The following CEMIP2 variants were observed in gnomAD, a reference collection of about 807,000 sequenced individuals.
The protein encoded by CEMIP2 is cell migration inducing hyaluronidase 2.
In CEMIP2, 79 loss-of-function variants were observed where a neutral mutation model predicts 146.9. The observed-to-expected ratio is 0.54, with a 90% CI of 0.45 to 0.65. CEMIP2 has a LOEUF of 0.65. Among genes scored for constraint, CEMIP2 ranks in the 30% least tolerant of loss-of-function variants. CEMIP2 has a pLI of 0.00. For missense variants in CEMIP2, 1,596 were observed against 1,696.2 expected (o/e 0.94, Z 1.04); for synonymous variants, 601 against 606.3 (o/e 0.99, Z 0.13).
chr9:71,699,397 A>T (rs1822490791), intron 19 of CEMIP2: 1 of 453,854 alleles, frequency 2.2e-6, no homozygotes, highest in Non-Finnish European at 4.4e-6. Context: ...AGTGTACCAC[A>T]ACTATGCCTG....
At chr9:71,762,318 T>C (rs1400349439) in intron 1 of CEMIP2, among the ~76,000 whole-genome samples, 4 of 152,044 alleles carry the variant, frequency 2.6e-5, no homozygotes, top group South Asian at 2.1e-4. Context: ...CTTAGCCGAA[T>C]AGGGATACAC....
At chr9:71,767,253 G>C (rs887288291) in intron 1 of CEMIP2, among the ~76,000 whole-genome samples, 7 of 152,170 alleles carry the variant, frequency 4.6e-5, no homozygotes, top group African/African-American at 1.7e-4. Flanking sequence ...TGGGGAGTCA[G>C]GCCTCCCTCA....
At chr9:71,718,154 T>C in intron 12 of CEMIP2, 75 bp from the exon 13 acceptor site, 5 of 1,323,114 alleles carry the variant, frequency 3.8e-6, no homozygotes, top group Non-Finnish European at 5.0e-6. Flanking sequence ...AGTTTAAGTG[T>C]CAAGAAGCAG....
intron 5 of CEMIP2, among the ~76,000 whole-genome samples, chr9:71,737,902 G>A (rs1334399724): frequency 6.6e-6 from 1 of 152,088 alleles, no homozygotes; most frequent in African/African-American, 2.4e-5. Context: ...AATAGTTGTT[G>A]AGATCCCACA....
chr9:71,722,246 G>A (rs1473644268), intron 12 of CEMIP2, among the ~76,000 whole-genome samples, 181 bp downstream of exon 12: 2 of 152,096 alleles, frequency 1.3e-5, no homozygotes, highest in East Asian at 3.8e-4. Context: ...ATTTCAATAA[G>A]ATAAAAGACC....
intron 23 of CEMIP2, 147 bp downstream of exon 23, chr9:71,685,596 C>T: frequency 1.2e-6 from 1 of 846,242 alleles, no homozygotes; most frequent in Non-Finnish European, 1.8e-6. Context: ...CACTTCCTCT[C>T]ACATTGTGCC....
chr9:71,716,441 G>C, intron 14 of CEMIP2, 76 bp downstream of exon 14: 1 of 1,183,160 alleles, frequency 8.5e-7, no homozygotes, highest in Middle Eastern at 2.0e-4. Flanking sequence ...AAACATTCCT[G>C]TGTATTATCA....
chr9:71,698,892 T>C (rs1340271843), intron 19 of CEMIP2, among the ~76,000 whole-genome samples: 1 of 152,054 alleles, frequency 6.6e-6, no homozygotes, highest in South Asian at 2.1e-4. Context: ...GTCAAGATTC[T>C]AAAAAAACTT....
At chr9:71,692,919 A>ACAACAACAAC (rs1563993594) in intron 21 of CEMIP2, among the ~76,000 whole-genome samples, 94 of 47,180 alleles carry the variant, frequency 2.0e-3, no homozygotes, top group African/African-American at 7.6e-3. Context: ...ACAAACAAAC[A>ACAACAACAAC]AACGACAACA....
At chr9:71,735,240 A>T (rs1823731107) in intron 5 of CEMIP2, among the ~76,000 whole-genome samples, 1 of 152,072 alleles carries the variant, frequency 6.6e-6, no homozygotes, top group Admixed American at 6.5e-5. Context: ...GGAACACAAG[A>T]TGTCACCTTA....
chr9:71,760,466 C>A (rs1314524213), intron 1 of CEMIP2, among the ~76,000 whole-genome samples: 1 of 143,792 alleles, frequency 7.0e-6, no homozygotes, highest in African/African-American at 2.4e-5. Flanking sequence ...ATGTTTCTGT[C>A]ATTTATGCAA....
intron 1 of CEMIP2, among the ~76,000 whole-genome samples, chr9:71,751,596 A>T (rs1824255777): frequency 6.6e-6 from 1 of 152,034 alleles, no homozygotes; most frequent in South Asian, 2.1e-4. Flanking sequence ...CTTGCTAAAA[A>T]CCTAGATTCC....
chr9:71,689,159 G>C (rs910983608), intron 22 of CEMIP2, among the ~76,000 whole-genome samples: 1 of 152,168 alleles, frequency 6.6e-6, no homozygotes, highest in Non-Finnish European at 1.5e-5. Context: ...CAAGAAAATT[G>C]AGGCTGTACA....
chr9:71,686,042 C>T (rs1259693260), intron 22 of CEMIP2, 196 bp from the exon 23 acceptor site: 12 of 574,888 alleles, frequency 2.1e-5, no homozygotes, highest in Non-Finnish European at 3.1e-6. Flanking sequence ...ACACGTTGCT[C>T]TTACAAGGGG....
intron 4 of CEMIP2, among the ~76,000 whole-genome samples, chr9:71,741,346 T>C (rs1050201283): frequency 6.6e-6 from 1 of 151,574 alleles, no homozygotes; most frequent in Non-Finnish European, 1.5e-5. Context: ...TATAGGCATG[T>C]GCCACCACGC....
chr9:71,732,074 T>G lies in CEMIP2; in HGVS notation c.1563+277A>C, dbSNP rs879579855. Reference sequence around the variant, plus strand: ...AAGAGCCTTCAGTTTTTTTTTGTTTTGTTTTGTTTTTTGGTCTCTGTAATT... The same window carrying G: ...AAGAGCCTTCAGTTTTTTTTTGTTTGGTTTTGTTTTTTGGTCTCTGTAATT... On this transcript the variant is annotated intron_variant, in intron 7 of 23. Coordinates refer to ENST00000377044, the MANE Select transcript of CEMIP2 (RefSeq NM_013390.3). Among the ~76,000 whole-genome samples, 363 of 152,096 alleles carry G rather than the reference T, an allele frequency of 2.4e-3. 2 individuals are homozygous for G. The highest frequency in any genetic ancestry group is 3.8e-3 in the Admixed American group (58 of 15,290).
chr9:71,705,888 T>A (rs1822720455), intron 17 of CEMIP2, among the ~76,000 whole-genome samples: 1 of 152,042 alleles, frequency 6.6e-6, no homozygotes, highest in African/African-American at 2.4e-5. Flanking sequence ...ACTCTCCCTA[T>A]ATCACCATCT....
chr9:71,724,413 T>A (rs1823325032), intron 11 of CEMIP2, among the ~76,000 whole-genome samples: 1 of 152,242 alleles, frequency 6.6e-6, no homozygotes, highest in African/African-American at 2.4e-5. Flanking sequence ...CTTAATCAAC[T>A]ATTCAGCTCA....
In CEMIP2 at chr9:71,732,501, G is replaced by A; in HGVS notation, c.1413C>T (p.His471=). 4.4e-6 allele frequency: 7 copies of A among 1,604,200 alleles called. No homozygotes were observed. Among genetic ancestry groups the A allele is most frequent in the Non-Finnish European group, 5.9e-6 (7 of 1,177,610 alleles). ...VKVKETPQFL[H]MGEIIDGVDM... ...CTACACCGTCTATGATCTCACCCAT[G>A]TGCAGGAACTGAGGGGTTTCTGGTT... The change falls in exon 7 of 24, where the codon CAC becomes CAT. Residue 471 remains histidine, a synonymous_variant. Coordinates refer to ENST00000377044, the MANE Select transcript of CEMIP2 (RefSeq NM_013390.3).
Sources: allele counts gnomAD v4.1 joint callset (sites outside exome capture counted in the v4.1 genomes callset), GRCh38; gene constraint gnomAD v4.1.1; transcripts MANE v1.5; gene names NCBI Gene and HGNC (gene_info 2026-07-23, HGNC 2026-07-21).